Variants in DYRK1A observed in about 807,000 individuals in gnomAD.
DYRK1A encodes the protein dual specificity tyrosine phosphorylation regulated kinase 1A.
In DYRK1A, 9 loss-of-function variants were observed where a neutral mutation model predicts 79.7. The ratio of observed to expected loss-of-function variants is 0.11; its 90% CI spans 0.07 to 0.20. The LOEUF is 0.20. Among genes scored for constraint, DYRK1A ranks in the 10% least tolerant of loss-of-function variants. The pLI, the probability that DYRK1A is intolerant of heterozygous loss-of-function variation, is 1.00. For synonymous variants in DYRK1A, 349 were observed against 329.7 expected, an observed-to-expected ratio of 1.06 and a Z score of -0.63; for missense variants, 622 against 956.0, an observed-to-expected ratio of 0.65 and a Z score of 4.61.
intron 11 of DYRK1A, among the ~76,000 whole-genome samples, chr21:37,507,282 C>T (rs935379014): frequency 2.0e-5 from 3 of 152,198 alleles, no homozygotes; most frequent in African/African-American, 7.2e-5. Flanking sequence ...CTCCTGCCAT[C>T]ATGGGGGCTT....
At chr21:37,414,698 T>C (rs2050304416) in intron 1 of DYRK1A, among the ~76,000 whole-genome samples, 1 of 152,152 alleles carries the variant, frequency 6.6e-6, no homozygotes, top group Non-Finnish European at 1.5e-5. Context: ...AGGGGTGCTT[T>C]CTAGTGTCTA....
At chr21:37,423,151 A>G (rs773052625) in intron 2 of DYRK1A, among the ~76,000 whole-genome samples, 65 of 152,274 alleles carry the variant, frequency 4.3e-4, no homozygotes, top group Admixed American at 1.2e-3. Context: ...ATTGAATTCA[A>G]GGCATGCAGA....
At chr21:37,404,134 C>T (rs1327323446) in intron 1 of DYRK1A, among the ~76,000 whole-genome samples, 2 of 152,100 alleles carry the variant, frequency 1.3e-5, no homozygotes, top group Non-Finnish European at 1.5e-5. Context: ...AAGAGATACA[C>T]AGGCGTGTAT....
chr21:37,459,999 T>A (rs1369591815), intron 2 of DYRK1A, among the ~76,000 whole-genome samples: 1 of 152,212 alleles, frequency 6.6e-6, no homozygotes, highest in Non-Finnish European at 1.5e-5. Flanking sequence ...GTCATGAAGA[T>A]AAACTTTTTA....
At chr21:37,467,335 T>C (rs965341198) in intron 2 of DYRK1A, among the ~76,000 whole-genome samples, 2 of 152,178 alleles carry the variant, frequency 1.3e-5, no homozygotes, top group African/African-American at 4.8e-5. Context: ...GCCCAGGTGA[T>C]CCTCTAACCT....
chr21:37,466,225 G>A (rs569051539), intron 2 of DYRK1A, among the ~76,000 whole-genome samples: 1 of 151,990 alleles, frequency 6.6e-6, no homozygotes, highest in Non-Finnish European at 1.5e-5. Flanking sequence ...TGGATGTCTT[G>A]TGAATACAGT....
At chr21:37,378,610 A>G (rs1465874159) in intron 1 of DYRK1A, among the ~76,000 whole-genome samples, 1 of 152,198 alleles carries the variant, frequency 6.6e-6, no homozygotes, top group Non-Finnish European at 1.5e-5. Context: ...TGTTTTGATA[A>G]ATTGTAAATG....
At chr21:37,417,534 T>TCTTTTTTC (rs1555959240) in intron 1 of DYRK1A, among the ~76,000 whole-genome samples, 1 of 84,234 alleles carries the variant, frequency 1.2e-5, no homozygotes, top group Non-Finnish European at 2.5e-5. Context: ...TTTTTCTTTT[T>TCTTTTTTC]TTTTTTTTTT....
Position 37,526,133 on chromosome 21 carries a change from T to G in DYRK1A, c.*13602T>G, listed in dbSNP as rs2053966320. 6.6e-6 allele frequency: 1 copy of G among 152,158 alleles called. No individual in the cohort carries two copies. The highest frequency in any genetic ancestry group is 6.5e-5 in the Admixed American group (1 of 15,272). The allele number at this position is 152,158 out of a possible 1,614,324, so 9.4% of individuals were successfully genotyped here. A position where few individuals can be genotyped will look rare whatever the true frequency, so the allele number is the denominator to read the frequency against. On this transcript the variant is annotated 3_prime_UTR_variant, in exon 12 of 12. Coordinates refer to ENST00000647188, the MANE Select transcript of DYRK1A (RefSeq NM_001347721.2). Reference sequence around the variant, plus strand: ...AAGAAGAGCTCCATTCCCACACACATTTGCCACAGATACATTATCTGAGCC... The same window carrying G: ...AAGAAGAGCTCCATTCCCACACACAGTTGCCACAGATACATTATCTGAGCC...
chr21:37,512,562 T>C lies in DYRK1A; in HGVS notation c.*31T>C, dbSNP rs776421379. The C allele has an allele frequency of 2.5e-6, 4 of 1,595,460 alleles. No homozygotes were observed. Among genetic ancestry groups the C allele is most frequent in the Non-Finnish European group, 2.6e-6 (3 of 1,168,930 alleles). On this transcript the variant is annotated 3_prime_UTR_variant, in exon 12 of 12. Coordinates refer to ENST00000647188, the MANE Select transcript of DYRK1A (RefSeq NM_001347721.2). ...TTGAAACTTGAGTTTGTTTCTTGTG[T>C]GTTTTTATAGAAGTGGTGTTTTTTT...
intron 1 of DYRK1A, among the ~76,000 whole-genome samples, chr21:37,376,155 T>C (rs1248558102): frequency 6.6e-6 from 1 of 152,060 alleles, no homozygotes; most frequent in Non-Finnish European, 1.5e-5. Flanking sequence ...ATGCCTGCAC[T>C]AAGAATGTTT....
At chr21:37,389,250 C>T (rs2049824274) in intron 1 of DYRK1A, among the ~76,000 whole-genome samples, 1 of 151,638 alleles carries the variant, frequency 6.6e-6, no homozygotes, top group Admixed American at 6.6e-5. Context: ...GCAGTCTTGA[C>T]CTCCCTGGGC....
At chr21:37,405,656 G>A (rs1334477852) in intron 1 of DYRK1A, among the ~76,000 whole-genome samples, 1 of 152,146 alleles carries the variant, frequency 6.6e-6, no homozygotes. Context: ...ATATCAGAAA[G>A]GTTATTTCTG....
At chr21:37,437,957 A>G (rs2050975825) in intron 2 of DYRK1A, among the ~76,000 whole-genome samples, 1 of 152,178 alleles carries the variant, frequency 6.6e-6, no homozygotes, top group East Asian at 1.9e-4. Context: ...ACCGTTTTAC[A>G]TTTTCACCAG....
At chr21:37,466,578 AC>A (rs1196835524) in intron 2 of DYRK1A, among the ~76,000 whole-genome samples, 1 of 152,198 alleles carries the variant, frequency 6.6e-6, no homozygotes, top group African/African-American at 2.4e-5. Context: ...CAAAAGACAT[AC>A]CATACAAAAA....
rs2066069472 is a variant in DYRK1A at position 37,524,258 on chromosome 21, C to T, written c.*11727C>T. ...GCTTGGGTGGTATAGTGAGACCCCC[C>T]ATCTCCACAAAAAGTAAAAAAAAAC... On this transcript the variant is annotated 3_prime_UTR_variant, in exon 12 of 12. Transcript: ENST00000647188. 1 of 148,062 alleles carries T rather than the reference C, an allele frequency of 6.8e-6. No homozygotes were observed. The highest frequency in any genetic ancestry group is 2.6e-5 in the African/African-American group (1 of 39,180). 9.2% of individuals were successfully genotyped at this position (148,062 alleles called of 1,614,324 possible).
chr21:37,370,793 A>AT (rs1405811364), intron 1 of DYRK1A, among the ~76,000 whole-genome samples: 1 of 152,106 alleles, frequency 6.6e-6, no homozygotes, highest in Non-Finnish European at 1.5e-5. Context: ...ACCTCCATAT[A>AT]TGTTCGTCTA....
intron 2 of DYRK1A, among the ~76,000 whole-genome samples, chr21:37,439,801 T>C (rs2051037069): frequency 6.6e-6 from 1 of 152,192 alleles, no homozygotes; most frequent in African/African-American, 2.4e-5. Context: ...TTGTTTTAGG[T>C]CAAGTATGGA....
chr21:37,449,662 AAAC>A (rs2051382932), intron 2 of DYRK1A, among the ~76,000 whole-genome samples: 1 of 152,220 alleles, frequency 6.6e-6, no homozygotes, highest in Admixed American at 6.5e-5. Flanking sequence ...TGGTCAAGGT[AAAC>A]AACATCAGCA....
Sources: gnomAD v4.1 joint callset for allele counts (sites outside exome capture counted in the v4.1 genomes callset) on GRCh38, gnomAD v4.1.1 for gene constraint, MANE v1.5 for transcripts, NCBI Gene and HGNC (gene_info 2026-07-23, HGNC 2026-07-21) for gene names.